Variants in PLK3 observed in about 807,000 individuals in gnomAD.
The protein encoded by PLK3 is serine/threonine-protein kinase PLK3.
A neutral mutation model predicts 71.6 loss-of-function variants in PLK3; 41 were observed. The observed-to-expected ratio is 0.57, with a 90% confidence interval of 0.45 to 0.74. PLK3 has a LOEUF of 0.74. Ranked by LOEUF, PLK3 falls within the 30% of genes least tolerant of loss-of-function variation. The probability of loss-of-function intolerance (pLI) is 0.00; values close to 1 mark genes in which losing one functional copy is unlikely to be tolerated. For synonymous variants in PLK3, 366 were observed against 355.4 expected (o/e 1.03, Z -0.33); for missense variants, 791 against 875.6 (o/e 0.90, Z 1.22).
In PLK3 at chr1:44,805,834, C is replaced by T. The variant is rs1652019885; in HGVS notation, c.*156C>T. On this transcript the variant is annotated 3_prime_UTR_variant, in exon 15 of 15. Transcript: ENST00000372201. ...ACTGGAGTTGGGGGCGGCTTGTCTT[C>T]GCTGGCTCCTACCCCATCTCCAAGA... is the stretch of plus-strand genomic sequence containing the variant. The T allele has an allele frequency of 3.0e-6, 4 of 1,338,548 alleles. No homozygotes were observed. Among genetic ancestry groups the T allele is most frequent in the South Asian group, 1.5e-5 (1 of 66,518 alleles). 82.9% of individuals were successfully genotyped at this position (1,338,548 alleles called of 1,614,324 possible).
chr1:44,803,536 C>T lies in PLK3; in HGVS notation c.1073-64C>T, dbSNP rs988332466. On this transcript the variant is annotated intron_variant, in intron 8 of 14. Coordinates refer to ENST00000372201, the MANE Select transcript of PLK3 (RefSeq NM_004073.4). This position sits in a 1 kb window ranked among gnomAD's most constrained non-coding sequence, Gnocchi z 4.3. ...CACTTGGGGAGGCCAATCTCTGTGT[C>T]ATCCCTGTCGGAAGTGGAGGGGCTG... 10 of 1,578,116 alleles carry T rather than the reference C, an allele frequency of 6.3e-6. No individual in the cohort carries two copies. In the African/African-American group the frequency reaches 6.7e-5, roughly 11 times the overall value.
chr1:44,801,989 G>C, intron 5 of PLK3, 57 bp downstream of exon 5: 1 of 1,321,988 alleles, frequency 7.6e-7, no homozygotes. Context: ...GTGATAGACA[G>C]TGCATATGTA....
chr1:44,801,415 G>A (rs1557621925), intron 3 of PLK3, among the ~76,000 whole-genome samples: 1 of 151,984 alleles, frequency 6.6e-6, no homozygotes, highest in Non-Finnish European at 1.5e-5. Context: ...TCACCCTGTT[G>A]GTCAGGCTGG....
rs990638688 is a variant in PLK3, at chr1:44,803,801, T to C, written c.1164+110T>C. 1.8e-6 allele frequency: 2 copies of C among 1,133,718 alleles called. No individual in the cohort carries two copies. Among genetic ancestry groups the C allele is most frequent in the Non-Finnish European group, 1.3e-6 (1 of 767,770 alleles). The allele number at this position is 1,133,718 out of a possible 1,614,324, so 70.2% of individuals were successfully genotyped here. On this transcript the variant is annotated intron_variant, in intron 9 of 14. Transcript: ENST00000372201. The surrounding 1 kb of genome is among the most constrained non-coding windows in gnomAD (Gnocchi z 4.3). ...AGCATCCAGCCTCGTGGTGGCCTAA[T>C]TGGCTGTGTGTCACCAGCCTGGCGG... is the stretch of plus-strand genomic sequence containing the variant.
chr1:44,801,681 C>G lies in PLK3; in HGVS notation c.495C>G (p.Tyr165Ter). The G allele has an allele frequency of 6.2e-7, 1 of 1,613,784 alleles. No individual in the cohort carries two copies. Among genetic ancestry groups the G allele is most frequent in the Non-Finnish European group, 8.5e-7 (1 of 1,179,956 alleles). The change falls in exon 4 of 15, where the codon TAC becomes TAG. Residue 165 changes from tyrosine to a stop codon, truncating the protein, a stop_gained. Transcript: ENST00000372201. LOFTEE classifies it high-confidence loss of function. ...HTLLEPEVRY[Y>*]LRQILSGLKY... is the part of the protein sequence containing the mutation. ...TGTTGGAGCCAGAAGTGCGCTACTA[C>G]CTGCGGCAGATCCTTTCTGGCCTCA...
At chr1:44,804,548 AGGGCCGCACCCTC>A (rs1451411537) in intron 12 of PLK3, 47 bp downstream of exon 12, 4 of 1,608,046 alleles carry the variant, frequency 2.5e-6, no homozygotes, top group South Asian at 1.1e-5. Context: ...CTAATCCAGC[AGGGCCGCACCCTC>A]GTGAGTGCTC....
At chr1:44,804,584 G>A (rs1651946731) in intron 12 of PLK3, 66 bp from the exon 13 acceptor site, 2 of 1,604,490 alleles carry the variant, frequency 1.2e-6, no homozygotes, top group Non-Finnish European at 1.7e-6. Context: ...GGGCTCAGGG[G>A]TCTGGGTTTC....
In PLK3 at chr1:44,803,518, G is replaced by A. The variant is rs1651905765; in HGVS notation, c.1073-82G>A. On this transcript the variant is annotated intron_variant, in intron 8 of 14. Transcript: ENST00000372201. The surrounding 1 kb of genome is among the most constrained non-coding windows in gnomAD (Gnocchi z 4.3). ...GAGCATGTGCAGTACAGGCACTTGGGGAGGCCAATCTCTGTGTCATCCCTG... is the reference window on the plus strand; with the variant it reads ...GAGCATGTGCAGTACAGGCACTTGGAGAGGCCAATCTCTGTGTCATCCCTG... The A allele has an allele frequency of 3.8e-6, 6 of 1,576,740 alleles. No homozygotes were observed. In the East Asian group the frequency reaches 1.1e-4, roughly 30 times the overall value.
rs1229171903 is a variant in PLK3, at chr1:44,804,197, G to A, written c.1293G>A (p.Val431=). ...AAGGTCTGACTGTGGCCACAGTAGT[G>A]GAGTCAGCCCTTTGTGCTCTGAGAA... is the stretch of plus-strand genomic sequence containing the variant. ...FEEGLTVATV[V]ESALCALRNC... is the part of the protein sequence containing the mutation. The change falls in exon 11 of 15, where the codon GTG becomes GTA. Residue 431 remains valine, a synonymous_variant. Coordinates refer to ENST00000372201, the MANE Select transcript of PLK3 (RefSeq NM_004073.4). 6.2e-7 allele frequency: 1 copy of A among 1,614,012 alleles called. No homozygotes were observed.
chr1:44,801,203 CTT>C (rs34463102), intron 3 of PLK3, 51 bp downstream of exon 3: 17,638 of 327,686 alleles, frequency 0.054, no homozygotes, highest in East Asian at 0.097. Context: ...AGAAGACAGT[CTT>C]TTTTTTTTTT....
chr1:44,801,542 T>C, intron 3 of PLK3, 80 bp from the exon 4 acceptor site: 2 of 1,490,118 alleles, frequency 1.3e-6, no homozygotes, highest in South Asian at 2.4e-5. Flanking sequence ...GCTGGGGCCC[T>C]GTTTCTTCCT....
At position 44,800,905 on chromosome 1, in the gene PLK3, C is replaced by A. The variant is rs779221301; in HGVS notation, c.276C>A (p.Val92=). ...TETGSAYAVK[V]IPQSRVAKPH... ...CTGGCAGCGCCTACGCTGTCAAAGT[C>A]ATCCCGCAGAGCCGCGTCGCCAAGC... Residue 92 remains valine (V), a synonymous_variant, in exon 2 of 15, where the codon GTC becomes GTA. Coordinates refer to ENST00000372201, the MANE Select transcript of PLK3 (RefSeq NM_004073.4). This position sits in a 1 kb window ranked among gnomAD's most constrained non-coding sequence, Gnocchi z 6.5. The A allele has an allele frequency of 6.2e-7, 1 of 1,612,472 alleles. No individual in the cohort carries two copies. Among genetic ancestry groups the A allele is most frequent in the Non-Finnish European group, 8.5e-7 (1 of 1,179,920 alleles).
Position 44,803,328 on chromosome 1 carries a change from C to A in PLK3, c.1009C>A (p.Pro337Thr). The change falls in exon 8 of 15, where the codon CCC (proline) becomes ACC (threonine). Residue 337 changes from proline to threonine, a missense_variant. Coordinates refer to ENST00000372201, the MANE Select transcript of PLK3 (RefSeq NM_004073.4). The surrounding 1 kb of genome is among the most constrained non-coding windows in gnomAD (Gnocchi z 4.3). Reference protein sequence around the residue: ...SCVTVPDLTPPNPARSLFAKV... With the variant: ...SCVTVPDLTPTNPARSLFAKV... ...CGTGACAGTCCCAGACCTGACACCC[C>A]CCAACCCAGCTAGGAGTCTGTTTGC... 1 of 1,614,118 alleles carries A rather than the reference C, an allele frequency of 6.2e-7. No individual in the cohort carries two copies. Among genetic ancestry groups the A allele is most frequent in the Non-Finnish European group, 8.5e-7 (1 of 1,180,008 alleles).
In PLK3 at chr1:44,803,988, A is replaced by C. The variant is rs1445968190; in HGVS notation, c.1222A>C (p.Ser408Arg). Reference sequence around the variant, plus strand: ...CCTGGTAGAGACAGCACCTGAAGACAGCTCACCCCGTGGGACACTGGCAAG... The same window carrying C: ...CCTGGTAGAGACAGCACCTGAAGACCGCTCACCCCGTGGGACACTGGCAAG... ...VSLVETAPEDSSPRGTLASSG... is the reference protein window; with the variant it reads ...VSLVETAPEDRSPRGTLASSG... The change falls in exon 10 of 15, where the codon AGC becomes CGC. Residue 408 changes from serine to arginine, a missense_variant. By Grantham distance (110) the Ser-to-Arg change is moderately radical. Transcript: ENST00000372201. The surrounding 1 kb of genome is among the most constrained non-coding windows in gnomAD (Gnocchi z 4.3). The C allele has an allele frequency of 1.3e-6, 2 of 1,553,808 alleles. No homozygotes were observed. The highest frequency in any genetic ancestry group is 1.7e-6 in the Non-Finnish European group (2 of 1,147,704).
intron 5 of PLK3, 83 bp downstream of exon 5, chr1:44,802,015 G>A (rs1293979788): frequency 3.9e-6 from 4 of 1,030,070 alleles, no homozygotes; most frequent in East Asian, 2.4e-5. Flanking sequence ...GAGGCAAGGT[G>A]ACTGCCTGAT....
chr1:44,802,108 C>T (rs979977335), intron 5 of PLK3, among the ~76,000 whole-genome samples, 176 bp downstream of exon 5: 6 of 151,722 alleles, frequency 4.0e-5, no homozygotes, highest in South Asian at 4.1e-4. Flanking sequence ...TTACCGAGAC[C>T]GGTGGAGAGG....
In PLK3 at chr1:44,801,674, G is replaced by C. The variant is rs142872152; in HGVS notation, c.488G>C (p.Arg163Pro). The C allele has an allele frequency of 1.2e-6, 2 of 1,613,698 alleles. No individual in the cohort carries two copies. The highest frequency in any genetic ancestry group is 1.7e-6 in the Non-Finnish European group (2 of 1,179,972). ...ARHTLLEPEV[R>P]YYLRQILSGL... ...CACACCCTGTTGGAGCCAGAAGTGC[G>C]CTACTACCTGCGGCAGATCCTTTCT... Residue 163 changes from arginine to proline, a missense_variant, in exon 4 of 15, where the codon CGC becomes CCC. Physicochemically the swap from Arg to Pro is moderately radical, Grantham distance 103. Coordinates refer to ENST00000372201, the MANE Select transcript of PLK3 (RefSeq NM_004073.4).
chr1:44,804,293 C>G, intron 11 of PLK3, 46 bp from the exon 12 acceptor site: 6 of 1,613,360 alleles, frequency 3.7e-6, no homozygotes, highest in Non-Finnish European at 3.4e-6. Context: ...AGTTCTGTGG[C>G]TGGGAGGCCA....
rs781339905 is a variant in PLK3, at chr1:44,804,488, T to C, written c.1492T>C (p.Ser498Pro). Residue 498 changes from serine (S) to proline (P), a missense_variant, in exon 12 of 15, where the codon TCG (serine) becomes CCG (proline). Coordinates refer to ENST00000372201, the MANE Select transcript of PLK3 (RefSeq NM_004073.4). ...LFNDGTHMAL[S>P]ANRKTVHYNP... ...CAACGATGGCACACATATGGCCCTG[T>C]CGGCCAACAGAAAGTAAGTGCTGTT... 6.2e-7 allele frequency: 1 copy of C among 1,614,150 alleles called. No homozygotes were observed. Among genetic ancestry groups the C allele is most frequent in the Non-Finnish European group, 8.5e-7 (1 of 1,179,992 alleles).
Sources: allele counts gnomAD v4.1 joint callset (sites outside exome capture counted in the v4.1 genomes callset), GRCh38; gene constraint gnomAD v4.1.1; non-coding constraint Gnocchi (gnomAD v3.1); transcripts MANE v1.5; gene names NCBI Gene and HGNC (gene_info 2026-07-23, HGNC 2026-07-21).